The following GINS1 variants were observed in gnomAD, a reference collection of about 807,000 sequenced individuals.
The protein encoded by GINS1 is GINS complex subunit 1.
GINS1 carries 26 observed loss-of-function variants against 34.9 expected under a neutral mutation model. That is an observed-to-expected ratio of 0.74 (90% CI 0.55 to 1.03). GINS1 has a LOEUF of 1.03. Among genes scored for constraint, GINS1 ranks in the 50% least tolerant of loss-of-function variants. GINS1 has a pLI of 0.00. For synonymous variants in GINS1, 97 were observed against 84.4 expected (o/e 1.15, Z -0.82); for missense variants, 235 against 237.9 (o/e 0.99, Z 0.08).
chr20:25,433,501 G>C (rs1480648389), intron 5 of GINS1, among the ~76,000 whole-genome samples: 2 of 151,866 alleles, frequency 1.3e-5, no homozygotes, highest in African/African-American at 2.4e-5. Flanking sequence ...AAATGCCATA[G>C]ATATAGTTGT....
At chr20:25,407,972 G>A (rs999793561) in intron 1 of GINS1, 77 bp downstream of exon 1, 1 of 1,098,180 alleles carries the variant, frequency 9.1e-7, no homozygotes, top group African/African-American at 1.5e-5. Flanking sequence ...TCCCCGTCAG[G>A]GTTCACTTTC....
Position 25,441,743 on chromosome 20 carries a change from T to G in GINS1, c.489T>G (p.Asp163Glu). ...ACTATGGAGAATTTGAAGTTGATGA[T>G]GGCACTTCAGTCCTATTAAAAAAAA... ...LKDYGEFEVD[D>E]GTSVLLKKNS... is the part of the protein sequence containing the mutation. Residue 163 changes from aspartate to glutamate, a missense_variant, in exon 6 of 7, where the codon GAT (aspartate) becomes GAG (glutamate). Transcript: ENST00000262460. 1 of 1,569,010 alleles carries G rather than the reference T, an allele frequency of 6.4e-7. No homozygotes were observed. The highest frequency in any genetic ancestry group is 8.7e-7 in the Non-Finnish European group (1 of 1,146,104).
chr20:25,426,635 C>T (rs919212443), intron 5 of GINS1, among the ~76,000 whole-genome samples: 3 of 151,856 alleles, frequency 2.0e-5, no homozygotes, highest in African/African-American at 7.3e-5. Context: ...AAGTGATTCT[C>T]TGGCCTCAGC....
chr20:25,433,601 T>A (rs926833929), intron 5 of GINS1, among the ~76,000 whole-genome samples: 1 of 147,602 alleles, frequency 6.8e-6, no homozygotes, highest in Non-Finnish European at 1.5e-5. Flanking sequence ...TTTAAAAAAA[T>A]TTTTGATTTG....
intron 1 of GINS1, chr20:25,409,039 C>T (rs189563746): frequency 2.3e-5 from 23 of 984,846 alleles, no homozygotes. Flanking sequence ...ATGAGCCTTT[C>T]CATCCTCAAG....
At chr20:25,408,075 C>T (rs1419729137) in intron 1 of GINS1, among the ~76,000 whole-genome samples, 180 bp downstream of exon 1, 1 of 152,226 alleles carries the variant, frequency 6.6e-6, no homozygotes, top group African/African-American at 2.4e-5. Context: ...CGCTACCCAG[C>T]GATTTGGTGA....
rs1327101147 is a variant in GINS1, at chr20:25,418,150, T to C, written c.285T>C (p.Gly95=). The change falls in exon 4 of 7, where the codon GGT becomes GGC. Residue 95 remains glycine (G), a synonymous_variant. Transcript: ENST00000262460. ...TCAGAGCACTCAGATGGGAATATGG[T>C]AGCGTCTTGCCAAATGCATTACGAT... ...LRIRALRWEY[G]SVLPNALRFH... 2 of 1,605,606 alleles carry C rather than the reference T, an allele frequency of 1.2e-6. No homozygotes were observed. The highest frequency in any genetic ancestry group is 1.7e-6 in the Non-Finnish European group (2 of 1,172,080).
At chr20:25,412,512 A>G (rs1049042937) in intron 1 of GINS1, among the ~76,000 whole-genome samples, 1 of 152,066 alleles carries the variant, frequency 6.6e-6, no homozygotes, top group African/African-American at 2.4e-5. Flanking sequence ...CCGAGATTGC[A>G]CCATTGCACT....
chr20:25,445,812 GTTGGAGT>G, intron 6 of GINS1, 104 bp from the exon 7 acceptor site: 3 of 692,962 alleles, frequency 4.3e-6, no homozygotes, highest in South Asian at 3.7e-5. Context: ...CTACTTACTT[GTTGGAGT>G]TTGAAAACTA....
At position 25,418,106 on chromosome 20, in the gene GINS1, T is replaced by C. The variant is rs2090332468; in HGVS notation, c.241T>C (p.Tyr81His). The C allele has an allele frequency of 1.9e-6, 3 of 1,571,252 alleles. No individual in the cohort carries two copies. The highest frequency in any genetic ancestry group is 2.6e-6 in the Non-Finnish European group (3 of 1,140,502). Residue 81 changes from tyrosine to histidine, a missense_variant and splice_region_variant, in exon 4 of 7, where the codon TAT becomes CAT. Transcript: ENST00000262460. ...CCCAATACCTTCTTGATGTCCTAGGTATGACCGCTTGCTTCGGATCAGAGC... is the reference window on the plus strand; with the variant it reads ...CCCAATACCTTCTTGATGTCCTAGGCATGACCGCTTGCTTCGGATCAGAGC... ...RNRRCTVAYL[Y>H]DRLLRIRALR...
At chr20:25,437,491 C>G (rs2090460288) in intron 5 of GINS1, among the ~76,000 whole-genome samples, 1 of 152,238 alleles carries the variant, frequency 6.6e-6, no homozygotes. Flanking sequence ...TGTCAAAGCT[C>G]CAACCTCAAG....
Position 25,445,771 on chromosome 20 carries a change from C to T in GINS1, c.523-152C>T, listed in dbSNP as rs112825600. ...GTGCTGGGATTTCAGGCATGAGCCA[C>T]CGTACCCAGCCCCTTAAGTTTAACT... On this transcript the variant is annotated intron_variant, in intron 6 of 6. Transcript: ENST00000262460. 4.4e-3 allele frequency: 2,577 copies of T among 589,840 alleles called. 13 individuals are homozygous for T. Among genetic ancestry groups the T allele is most frequent in the African/African-American group, 0.019 (1,000 of 53,306 alleles). 36.5% of individuals were successfully genotyped at this position (589,840 alleles called of 1,614,324 possible).
At chr20:25,423,469 T>C (rs1170732872) in intron 4 of GINS1, among the ~76,000 whole-genome samples, 7 of 115,648 alleles carry the variant, frequency 6.1e-5, no homozygotes, top group South Asian at 3.4e-4. Context: ...TTTTTTTTTT[T>C]TTTTTTTTTT....
intron 4 of GINS1, among the ~76,000 whole-genome samples, chr20:25,422,173 C>T (rs1189201593): frequency 3.3e-5 from 5 of 152,132 alleles, no homozygotes; most frequent in African/African-American, 9.7e-5. Context: ...CCCATGTATC[C>T]ATCACCCTGT....
At chr20:25,432,207 T>C (rs1367965670) in intron 5 of GINS1, among the ~76,000 whole-genome samples, 2 of 152,184 alleles carry the variant, frequency 1.3e-5, no homozygotes, top group African/African-American at 4.8e-5. Context: ...TAGGTGTTTA[T>C]GTTTGTAACT....
At position 25,431,936 on chromosome 20, in the gene GINS1, C is replaced by T. The variant is rs139815064; in HGVS notation, c.447+6609C>T. 4.7e-3 allele frequency among the ~76,000 whole-genome samples: 711 copies of T among 151,824 alleles called. 25 individuals carry two copies. In the East Asian group the frequency reaches 0.09, roughly 19 times the overall value. Reference sequence around the variant, plus strand: ...AGGCTGGAGTGCAGTGGTGCGATCTCGGCTTACTGCAACCTCCATTTCCCG... The same window carrying T: ...AGGCTGGAGTGCAGTGGTGCGATCTTGGCTTACTGCAACCTCCATTTCCCG... On this transcript the variant is annotated intron_variant, in intron 5 of 6. Transcript: ENST00000262460.
At chr20:25,418,082 C>T (rs749881695) in intron 3 of GINS1, 23 bp from the exon 4 acceptor site, 36 of 1,335,960 alleles carry the variant, frequency 2.7e-5, no homozygotes, top group Non-Finnish European at 3.6e-5. Context: ...CTTATGCCAC[C>T]CAATACCTTC....
intron 1 of GINS1, among the ~76,000 whole-genome samples, chr20:25,410,093 C>T (rs1412061827): frequency 1.3e-5 from 2 of 151,984 alleles, no homozygotes; most frequent in Non-Finnish European, 2.9e-5. Context: ...TGTAATCCCC[C>T]CACTTTGGGA....
Position 25,418,208 on chromosome 20 carries a change from T to G in GINS1, c.330+13T>G. The G allele has an allele frequency of 7.0e-7, 1 of 1,427,524 alleles. No individual in the cohort carries two copies. Among genetic ancestry groups the G allele is most frequent in the Non-Finnish European group, 9.9e-7 (1 of 1,008,404 alleles). 88.4% of individuals were successfully genotyped at this position (1,427,524 alleles called of 1,614,324 possible). On this transcript the variant is annotated intron_variant, in intron 4 of 6. Coordinates refer to ENST00000262460, the MANE Select transcript of GINS1 (RefSeq NM_021067.5). ...GGCTGCTGAAGAAGTGAGTTAGCAT[T>G]GTTCAAGTTTATAAATTTTGAAAAT...
Sources: gnomAD v4.1 joint callset for allele counts (sites outside exome capture counted in the v4.1 genomes callset) on GRCh38, gnomAD v4.1.1 for gene constraint, MANE v1.5 for transcripts, NCBI Gene and HGNC (gene_info 2026-07-23, HGNC 2026-07-21) for gene names.